The following ANKRD27 variants were observed in gnomAD, a reference collection of about 807,000 sequenced individuals.
The protein encoded by ANKRD27 is ankyrin repeat domain-containing protein 27.
ANKRD27 carries 112 observed loss-of-function variants against 129.7 expected under a neutral mutation model. The ratio of observed to expected loss-of-function variants is 0.86; its 90% CI spans 0.74 to 1.01. The LOEUF is 1.01. ANKRD27 is among the 50% of genes least tolerant of loss of function. ANKRD27 has a pLI of 0.00. For missense variants in ANKRD27, 1,258 were observed against 1,300.5 expected (o/e 0.97, Z 0.50); for synonymous variants, 516 against 511.2 (o/e 1.01, Z -0.13).
At chr19:32,643,971 C>T (rs1415591388) in intron 5 of ANKRD27, among the ~76,000 whole-genome samples, 2 of 151,904 alleles carry the variant, frequency 1.3e-5, no homozygotes, top group East Asian at 3.9e-4. Context: ...AACTCCTGGG[C>T]TAAAGCCATC....
intron 2 of ANKRD27, among the ~76,000 whole-genome samples, chr19:32,658,186 G>A (rs145100641): frequency 0.013 from 1,964 of 152,106 alleles, 57 homozygotes; most frequent in African/African-American, 0.045. Context: ...AAAAGAAGAC[G>A]GAAGACTCCT....
intron 12 of ANKRD27, among the ~76,000 whole-genome samples, chr19:32,634,885 C>T (rs190176518): frequency 1.3e-5 from 2 of 152,070 alleles, no homozygotes; most frequent in East Asian, 1.9e-4. Context: ...ACTGCACTCC[C>T]GTCTGGGTGA....
At chr19:32,623,588 C>T (rs577645575) in intron 17 of ANKRD27, among the ~76,000 whole-genome samples, 4 of 149,246 alleles carry the variant, frequency 2.7e-5, no homozygotes, top group South Asian at 2.2e-4. Context: ...CTCGCTCTGT[C>T]GCCTAGGCTG....
rs999480380 is a variant in ANKRD27, at chr19:32,597,223, G to A, written c.*922C>T. Reference sequence around the variant, plus strand: ...CAAACCCATATACGTGTAGCTCTAGGCCAATAACATAAAAATAACAGTATA... The same window carrying A: ...CAAACCCATATACGTGTAGCTCTAGACCAATAACATAAAAATAACAGTATA... On this transcript the variant is annotated 3_prime_UTR_variant, in exon 29 of 29. Transcript: ENST00000306065. The A allele has an allele frequency of 2.3e-5, 2 of 86,366 alleles. No homozygotes were observed. The highest frequency in any genetic ancestry group is 3.3e-4 in the Admixed American group (2 of 6,010). The allele number at this position is 86,366 out of a possible 1,614,324, so 5.3% of individuals were successfully genotyped here. A position where few individuals can be genotyped will look rare whatever the true frequency, so the allele number is the denominator to read the frequency against.
At chr19:32,605,501 C>T (rs1971718110) in intron 24 of ANKRD27, among the ~76,000 whole-genome samples, 1 of 152,218 alleles carries the variant, frequency 6.6e-6, no homozygotes, top group South Asian at 2.1e-4. Flanking sequence ...AATGCATTCA[C>T]ATAACCTTTT....
chr19:32,631,317 C>CCAA, intron 13 of ANKRD27, 85 bp downstream of exon 13: 1 of 1,304,032 alleles, frequency 7.7e-7, no homozygotes, highest in South Asian at 1.2e-5. Flanking sequence ...CCATGCCTGG[C>CCAA]CAACCCTGAT....
At chr19:32,616,603 A>AAGCC (rs1971924059) in intron 21 of ANKRD27, among the ~76,000 whole-genome samples, 1 of 151,566 alleles carries the variant, frequency 6.6e-6, no homozygotes, top group African/African-American at 2.4e-5. Flanking sequence ...GGCCAAAGGC[A>AAGCC]AGCCAGGGGA....
intron 21 of ANKRD27, among the ~76,000 whole-genome samples, chr19:32,616,342 CAGG>C (rs1262965000): frequency 2.0e-5 from 3 of 152,104 alleles, no homozygotes; most frequent in Non-Finnish European, 4.4e-5. Context: ...CACCTGAGGT[CAGG>C]AGTTCAAGCC....
intron 1 of ANKRD27, chr19:32,673,336 C>T (rs1047936517): frequency 1.0e-6 from 1 of 986,134 alleles, no homozygotes. Context: ...CCCCTCCTTC[C>T]AAGGCCTACG....
intron 24 of ANKRD27, 21 bp from the exon 25 acceptor site, chr19:32,604,445 A>G: frequency 6.3e-7 from 1 of 1,580,942 alleles, no homozygotes; most frequent in Non-Finnish European, 8.7e-7. Context: ...AAACCACACG[A>G]TCAAAAGGAA....
chr19:32,608,524 T>G (rs17692992), intron 22 of ANKRD27: 81,010 of 206,340 alleles, frequency 0.39, 19,618 homozygotes, highest in Non-Finnish European at 0.54. Flanking sequence ...AAAAACTGTA[T>G]GCTAAATTAA....
intron 24 of ANKRD27, among the ~76,000 whole-genome samples, chr19:32,605,378 T>A (rs559523545): frequency 6.1e-4 from 93 of 152,240 alleles, no homozygotes; most frequent in Admixed American, 2.4e-3. Flanking sequence ...AAAAAAAAAT[T>A]AATAAATAAC....
chr19:32,641,792 G>A (rs1380863146), intron 10 of ANKRD27, among the ~76,000 whole-genome samples: 1 of 144,976 alleles, frequency 6.9e-6, no homozygotes, highest in Non-Finnish European at 1.5e-5. Context: ...TTTTGAGAAG[G>A]GGTCTCACTC....
chr19:32,598,105 C>A lies in ANKRD27; in HGVS notation c.*40G>T, dbSNP rs199586465. The A allele has an allele frequency of 1.3e-6, 2 of 1,579,292 alleles. No individual in the cohort carries two copies. The highest frequency in any genetic ancestry group is 4.5e-5 in the East Asian group (2 of 44,466). On this transcript the variant is annotated 3_prime_UTR_variant, in exon 29 of 29. Transcript: ENST00000306065. Reference sequence around the variant, plus strand: ...ACGCTCAGCATCATCTTGTTGCATCCTTGCTTCCTAGCAGTGGGTTCAACA... The same window carrying A: ...ACGCTCAGCATCATCTTGTTGCATCATTGCTTCCTAGCAGTGGGTTCAACA...
chr19:32,652,068 G>A (rs77861604), intron 2 of ANKRD27, among the ~76,000 whole-genome samples: 11 of 152,212 alleles, frequency 7.2e-5, no homozygotes, highest in Admixed American at 6.5e-4. Context: ...CCTGGGATAG[G>A]GGGTAGAGAG....
At position 32,597,949 on chromosome 19, in the gene ANKRD27, AGAG is replaced by A; in HGVS notation, c.*193_*195del. ...TTTCAATTGTATTCATTAGCTTTGA[AGAG>A]GAGAGAGATGGTGGTGGTTAACTTT... On this transcript the variant is annotated 3_prime_UTR_variant, in exon 29 of 29. Coordinates refer to ENST00000306065, the MANE Select transcript of ANKRD27 (RefSeq NM_032139.3). 1.7e-6 allele frequency: 1 copy of A among 596,926 alleles called. No individual in the cohort carries two copies. The highest frequency in any genetic ancestry group is 3.0e-6 in the Non-Finnish European group (1 of 334,898). 37.0% of individuals were successfully genotyped at this position (596,926 alleles called of 1,614,324 possible). A position where few individuals can be genotyped will look rare whatever the true frequency, so the allele number is the denominator to read the frequency against.
intron 12 of ANKRD27, among the ~76,000 whole-genome samples, chr19:32,633,577 G>A (rs1967038945): frequency 1.3e-5 from 2 of 151,704 alleles, no homozygotes; most frequent in Non-Finnish European, 1.5e-5. Flanking sequence ...TCCTGCCTCA[G>A]CCTCCCAAAG....
intron 26 of ANKRD27, among the ~76,000 whole-genome samples, chr19:32,601,392 G>T (rs1176054670): frequency 1.3e-5 from 2 of 151,800 alleles, no homozygotes; most frequent in African/African-American, 2.4e-5. Context: ...GTCAGGAGAT[G>T]GAGACCATCC....
chr19:32,655,979 C>A (rs1967509717), intron 2 of ANKRD27, among the ~76,000 whole-genome samples: 1 of 146,388 alleles, frequency 6.8e-6, no homozygotes, highest in South Asian at 2.2e-4. Flanking sequence ...GATAGAGCCA[C>A]TATACTCCAG....
Sources: gnomAD v4.1 joint callset for allele counts (sites outside exome capture counted in the v4.1 genomes callset) on GRCh38, gnomAD v4.1.1 for gene constraint, MANE v1.5 for transcripts, NCBI Gene and HGNC (gene_info 2026-07-23, HGNC 2026-07-21) for gene names.